Variants in MARF1 observed in about 807,000 individuals in gnomAD.
The protein encoded by MARF1 is limkain-b1.
MARF1 carries 24 observed loss-of-function variants against 168.2 expected under a neutral mutation model. The ratio of observed to expected loss-of-function variants is 0.14; its 90% CI spans 0.10 to 0.20. MARF1 has a LOEUF of 0.20. Among genes scored for constraint, MARF1 ranks in the 10% least tolerant of loss-of-function variants. The pLI is 1.00. For missense variants in MARF1, 1,744 were observed against 2,143.6 expected (o/e 0.81, Z 3.68); for synonymous variants, 868 against 822.4 (o/e 1.06, Z -0.95).
intron 3 of MARF1, 56 bp from the exon 4 acceptor site, chr16:15,634,987 T>C (rs1321426759): frequency 6.7e-7 from 1 of 1,492,684 alleles, no homozygotes; most frequent in Non-Finnish European, 9.2e-7. Flanking sequence ...TTTCAGAAGC[T>C]GGAGTTATAT....
chr16:15,599,812 C>T (rs572577885), intron 25 of MARF1, among the ~76,000 whole-genome samples: 7 of 152,298 alleles, frequency 4.6e-5, no homozygotes, highest in East Asian at 1.9e-4. Context: ...GTGACAAAGA[C>T]GCCTTGACCA....
At chr16:15,617,914 C>T (rs1271981894) in intron 13 of MARF1, among the ~76,000 whole-genome samples, 3 of 152,134 alleles carry the variant, frequency 2.0e-5, no homozygotes, top group Admixed American at 6.5e-5. Flanking sequence ...ATGTGCTTTC[C>T]GTGACCCTCT....
At chr16:15,639,756 A>G (rs1280065050) in intron 1 of MARF1, among the ~76,000 whole-genome samples, 13 of 152,246 alleles carry the variant, frequency 8.5e-5, no homozygotes, top group Admixed American at 8.5e-4. Context: ...AAAGAAAAAA[A>G]CACAAAATAT....
At position 15,633,175 on chromosome 16, in the gene MARF1, C is replaced by CACACACACA. The variant is rs1555529762; in HGVS notation, c.1233+441_1233+442insTGTGTGTGT. On this transcript the variant is annotated intron_variant, in intron 5 of 26. Transcript: ENST00000396368. ...CAGAATTCTAAAAAAAAAAAAAACA[C>CACACACACA]CACACACACACACACACACACACAC... Among the ~76,000 whole-genome samples, 10 of 136,960 alleles carry CACACACACA rather than the reference C, an allele frequency of 7.3e-5. No homozygotes were observed. The East Asian group carries it at 2.1e-3, about 29-fold the overall frequency. 89.9% of individuals were successfully genotyped at this position (136,960 alleles called of 152,430 possible).
chr16:15,607,458 A>C (rs1178372546), intron 21 of MARF1, among the ~76,000 whole-genome samples: 5 of 152,170 alleles, frequency 3.3e-5, no homozygotes, highest in Admixed American at 6.5e-5. Flanking sequence ...CTGAGGAAGA[A>C]GAATCTCTTG....
At position 15,635,811 on chromosome 16, in the gene MARF1, A is replaced by G; in HGVS notation, c.676T>C (p.Cys226Arg). Residue 226 changes from cysteine (C) to arginine (R), a missense_variant, in exon 3 of 27, where the codon TGT becomes CGT. By Grantham distance (180) the Cys-to-Arg change is radical. Coordinates refer to ENST00000396368, the MANE Select transcript of MARF1 (RefSeq NM_014647.4). ...GGAGCCCCGCTTGTGAAATCAGAAC[A>G]GGGGAAATAGCCAGCGGAGGTGCAG... The part of the protein sequence containing the change: ...QGCTSAGYFP[C>R]SDFTSGAPGH... 6.2e-7 allele frequency: 1 copy of G among 1,614,198 alleles called. No homozygotes were observed. Among genetic ancestry groups the G allele is most frequent in the South Asian group, 1.1e-5 (1 of 91,084 alleles).
intron 5 of MARF1, among the ~76,000 whole-genome samples, chr16:15,633,170 AAAC>A (rs1314033041): frequency 7.5e-6 from 1 of 134,084 alleles, no homozygotes; most frequent in Non-Finnish European, 1.6e-5. Flanking sequence ...AAAAAAAAAA[AAAC>A]ACCACACACA....
At chr16:15,603,474 C>T (rs1428951096) in intron 22 of MARF1, among the ~76,000 whole-genome samples, 1 of 151,948 alleles carries the variant, frequency 6.6e-6, no homozygotes, top group Non-Finnish European at 1.5e-5. Flanking sequence ...TTGCCGGGCC[C>T]CAGAATGGTT....
At position 15,630,030 on chromosome 16, in the gene MARF1, G is replaced by A. The variant is rs577856883; in HGVS notation, c.1524+302C>T. Among the ~76,000 whole-genome samples, 30 of 152,314 alleles carry A rather than the reference G, an allele frequency of 2.0e-4. No homozygotes were observed. The South Asian group carries it at 2.5e-3, about 13-fold the overall frequency. Reference sequence around the variant, plus strand: ...CAAAAAGAATCATGACTTTTAATCCGTTATTTCTATCCACCTGACACAAAA... The same window carrying A: ...CAAAAAGAATCATGACTTTTAATCCATTATTTCTATCCACCTGACACAAAA... On this transcript the variant is annotated intron_variant, in intron 7 of 26. Coordinates refer to ENST00000396368, the MANE Select transcript of MARF1 (RefSeq NM_014647.4).
chr16:15,641,396 C>T (rs1318085884), intron 1 of MARF1, among the ~76,000 whole-genome samples: 1 of 152,134 alleles, frequency 6.6e-6, no homozygotes, highest in African/African-American at 2.4e-5. Context: ...CAAAAAACTC[C>T]TCTCAAAATC....
chr16:15,604,260 A>G lies in MARF1; in HGVS notation c.4321T>C (p.Tyr1441His), dbSNP rs745914446. The change falls in exon 22 of 27, where the codon TAC becomes CAC. Residue 1441 changes from tyrosine to histidine, a missense_variant. Physicochemically the swap from Tyr to His is moderately conservative, Grantham distance 83. Around this residue, in one of 7 missense-constraint regions of MARF1, gnomAD observed 74 missense variants for 66.7 expected, o/e 1.11. Transcript: ENST00000396368. ...AGGGGAGTGTTGTGGGTACTTTCGT[A>G]ATGTCTCTTGAGCTCCTCAACAGAA... ...HLSVEELKRH[Y>H]ESTHNTPLNP... 5 of 1,614,118 alleles carry G rather than the reference A, an allele frequency of 3.1e-6. No individual in the cohort carries two copies. In the South Asian group the frequency reaches 5.5e-5, roughly 18 times the overall value.
chr16:15,596,740 C>T lies in MARF1; in HGVS notation c.5182G>A (p.Val1728Ile). The T allele has an allele frequency of 6.2e-7, 1 of 1,608,186 alleles. No individual in the cohort carries two copies. The highest frequency in any genetic ancestry group is 8.5e-7 in the Non-Finnish European group (1 of 1,175,218). ...SPAKKQPKNR[V>I]KLAANFSLAP... The stretch of plus-strand genomic sequence containing the variant: ...AAGGAAAAGTTGGCTGCCAATTTGA[C>T]TCTATTTTTGGGTTGCTTTTTGGCC... The change falls in exon 27 of 27, where the codon GTC (valine) becomes ATC (isoleucine). Residue 1728 changes from valine (V) to isoleucine (I), a missense_variant. Coordinates refer to ENST00000396368, the MANE Select transcript of MARF1 (RefSeq NM_014647.4).
In MARF1 at chr16:15,636,233, G is replaced by A. The variant is rs1357664906; in HGVS notation, c.254C>T (p.Ser85Phe). The A allele has an allele frequency of 6.2e-7, 1 of 1,614,214 alleles. No homozygotes were observed. The highest frequency in any genetic ancestry group is 1.1e-5 in the South Asian group (1 of 91,084). The change falls in exon 3 of 27, where the codon TCT becomes TTT. Residue 85 changes from serine (S) to phenylalanine (F), a missense_variant. By Grantham distance (155) the Ser-to-Phe change is radical. Transcript: ENST00000396368. Reference sequence around the variant, plus strand: ...AAGCTGTATTTTAGGCTGCTGAAGAGAACGAATATCAGGAAGTGGGACTGC... The same window carrying A: ...AAGCTGTATTTTAGGCTGCTGAAGAAAACGAATATCAGGAAGTGGGACTGC... Reference protein sequence around the residue: ...FPAVPLPDIRSLQQPKIQLSS... With the variant: ...FPAVPLPDIRFLQQPKIQLSS...
rs763798335 is a variant in MARF1 at position 15,633,796 on chromosome 16, G to T, written c.1054C>A (p.Pro352Thr). Residue 352 changes from proline to threonine, a missense_variant, in exon 5 of 27, where the codon CCC (proline) becomes ACC (threonine). By Grantham distance (38) the Pro-to-Thr change is conservative (BLOSUM62 -1). Coordinates refer to ENST00000396368, the MANE Select transcript of MARF1 (RefSeq NM_014647.4). ...VAGQVLENLPPIGVFWDIENC... is the reference protein window; with the variant it reads ...VAGQVLENLPTIGVFWDIENC... ...TCAATATCCCAAAAAACTCCAATGG[G>T]GGGTAAGTTTTCTAGCACCTGTCCA... 1.9e-6 allele frequency: 3 copies of T among 1,613,876 alleles called. No homozygotes were observed. The highest frequency in any genetic ancestry group is 2.5e-6 in the Non-Finnish European group (3 of 1,179,926).
In MARF1 at chr16:15,635,816, A is replaced by T; in HGVS notation, c.671T>A (p.Phe224Tyr). The T allele has an allele frequency of 6.2e-7, 1 of 1,614,192 alleles. No individual in the cohort carries two copies. Among genetic ancestry groups the T allele is most frequent in the Non-Finnish European group, 8.5e-7 (1 of 1,180,024 alleles). The change falls in exon 3 of 27, where the codon TTC becomes TAC. Residue 224 changes from phenylalanine to tyrosine, a missense_variant. Around this residue, in one of 7 missense-constraint regions of MARF1, gnomAD observed 318 missense variants for 336.6 expected, o/e 0.94. Transcript: ENST00000396368. Reference sequence around the variant, plus strand: ...CCCGCTTGTGAAATCAGAACAGGGGAAATAGCCAGCGGAGGTGCAGCCCTG... The same window carrying T: ...CCCGCTTGTGAAATCAGAACAGGGGTAATAGCCAGCGGAGGTGCAGCCCTG... ...SLQGCTSAGY[F>Y]PCSDFTSGAP...
At position 15,625,488 on chromosome 16, in the gene MARF1, A is replaced by G; in HGVS notation, c.1837T>C (p.Leu613=). Residue 613 remains leucine (L), a synonymous_variant, in exon 8 of 27, where the codon TTG becomes CTG. Coordinates refer to ENST00000396368, the MANE Select transcript of MARF1 (RefSeq NM_014647.4). ...KSPKKLKNPK[L]CLIKDASEQS... is the part of the protein sequence containing the mutation. ...TCACTTGCATCTTTGATGAGGCACA[A>G]TTTTGGATTCTTAAGTTTTTTGGGA... The G allele has an allele frequency of 3.1e-6, 5 of 1,614,176 alleles. No individual in the cohort carries two copies. Among genetic ancestry groups the G allele is most frequent in the Non-Finnish European group, 4.2e-6 (5 of 1,180,032 alleles).
rs1348431748 is a variant in MARF1 at position 15,612,588 on chromosome 16, T to A, written c.3443A>T (p.Glu1148Val). The change falls in exon 17 of 27, where the codon GAG becomes GTG. Residue 1148 changes from glutamate to valine, a missense_variant. By Grantham distance (121) the Glu-to-Val change is moderately radical. Transcript: ENST00000396368. ...VSDYGYSKLI[E>V]LLEAVPHVLQ... ...TACATGAGGCACTGCTTCTAATAAC[T>A]CAATCAGCTTGGAGTATCCGTAGTC... is the stretch of plus-strand genomic sequence containing the variant. The A allele has an allele frequency of 6.2e-7, 1 of 1,614,140 alleles. No homozygotes were observed. Among genetic ancestry groups the A allele is most frequent in the African/African-American group, 1.3e-5 (1 of 75,020 alleles).
chr16:15,642,416 T>G (rs1428364747), intron 1 of MARF1: 1 of 152,222 alleles, frequency 6.6e-6, no homozygotes, highest in Non-Finnish European at 1.5e-5. Flanking sequence ...GGAAAACAGT[T>G]TAGGTTTCAA....
chr16:15,611,151 A>G (rs374502698), intron 18 of MARF1, 43 bp from the exon 19 acceptor site: 36 of 1,596,864 alleles, frequency 2.3e-5, no homozygotes, highest in African/African-American at 4.0e-5. Flanking sequence ...GAGTAGTATC[A>G]TCGGTAGAAG....
Sources: gnomAD v4.1 joint callset for allele counts (sites outside exome capture counted in the v4.1 genomes callset) on GRCh38, gnomAD v4.1.1 for gene constraint, gnomAD v4.1.1 regional missense constraint, MANE v1.5 for transcripts, NCBI Gene and HGNC (gene_info 2026-07-23, HGNC 2026-07-21) for gene names.